The following SORCS1 variants were observed in gnomAD, a reference collection of about 807,000 sequenced individuals.
SORCS1 encodes the protein VPS10 domain-containing receptor SorCS1.
A neutral mutation model predicts 146.1 loss-of-function variants in SORCS1; 60 were observed. The observed-to-expected ratio is 0.41, with a 90% CI of 0.33 to 0.51. SORCS1 has a LOEUF of 0.51. Among genes scored for constraint, SORCS1 ranks in the 20% least tolerant of loss-of-function variants. The probability of loss-of-function intolerance (pLI) is 0.21; values close to 1 mark genes in which losing one functional copy is unlikely to be tolerated. For synonymous variants in SORCS1, 637 were observed against 584.0 expected (o/e 1.09, Z -1.31); for missense variants, 1,352 against 1,487.6 (o/e 0.91, Z 1.50).
chr10:107,088,145 C>CATGATCCG (rs1590107567), intron 1 of SORCS1, among the ~76,000 whole-genome samples: 1 of 151,948 alleles, frequency 6.6e-6, no homozygotes, highest in Non-Finnish European at 1.5e-5. Context: ...GTCTCGGCCT[C>CATGATCCG]CCAAAGTGCT....
intron 3 of SORCS1, among the ~76,000 whole-genome samples, chr10:106,809,794 C>G (rs1046126024): frequency 6.6e-6 from 1 of 152,162 alleles, no homozygotes; most frequent in Non-Finnish European, 1.5e-5. Context: ...AAACAATAGT[C>G]CTTTTCTTCC....
intron 5 of SORCS1, among the ~76,000 whole-genome samples, chr10:106,745,542 T>G (rs1047466198): frequency 6.6e-6 from 1 of 152,228 alleles, no homozygotes; most frequent in Non-Finnish European, 1.5e-5. Context: ...ATGAATACTA[T>G]AGTAGGCAAA....
chr10:106,725,566 A>ATAAATAAATAAAT (rs1856092204), intron 6 of SORCS1, among the ~76,000 whole-genome samples: 1 of 150,848 alleles, frequency 6.6e-6, no homozygotes, highest in Admixed American at 6.6e-5. Context: ...ACAAAAATAA[A>ATAAATAAATAAAT]TAAATAAATA....
At chr10:106,833,425 T>C (rs1418970064) in intron 2 of SORCS1, among the ~76,000 whole-genome samples, 1 of 152,228 alleles carries the variant, frequency 6.6e-6, no homozygotes, top group Non-Finnish European at 1.5e-5. Context: ...TTGACAAGTT[T>C]CATCGGTAGA....
At position 106,685,002 on chromosome 10, in the gene SORCS1, C is replaced by T. The variant is rs552896088; in HGVS notation, c.1560+3190G>A. 2.0e-5 allele frequency among the ~76,000 whole-genome samples: 3 copies of T among 152,300 alleles called. No individual in the cohort carries two copies. In the South Asian group the frequency reaches 6.2e-4, roughly 32 times the overall value. On this transcript the variant is annotated intron_variant, in intron 10 of 25. Transcript: ENST00000263054. ...AAGCTCAGGTTGAAACTACATTAAA[C>T]AACAGGGTTAACTAAGAAGGAAGGC...
At chr10:106,815,907 C>A (rs1347403782) in intron 3 of SORCS1, among the ~76,000 whole-genome samples, 1 of 152,220 alleles carries the variant, frequency 6.6e-6, no homozygotes, top group Non-Finnish European at 1.5e-5. Context: ...TTCTTTCTGT[C>A]AAGCTTTAAC....
chr10:107,063,556 G>T (rs1456397570), intron 1 of SORCS1, among the ~76,000 whole-genome samples: 1 of 152,148 alleles, frequency 6.6e-6, no homozygotes, highest in Non-Finnish European at 1.5e-5. Context: ...GATGTTTAAT[G>T]CAATTTAATA....
chr10:106,605,546 G>T (rs907303016), intron 23 of SORCS1, among the ~76,000 whole-genome samples: 4 of 152,176 alleles, frequency 2.6e-5, no homozygotes, highest in African/African-American at 4.8e-5. Flanking sequence ...CCTATCTAAA[G>T]GCTTTGGATA....
At chr10:106,607,839 C>A (rs1846713989) in intron 22 of SORCS1, among the ~76,000 whole-genome samples, 1 of 152,116 alleles carries the variant, frequency 6.6e-6, no homozygotes, top group Non-Finnish European at 1.5e-5. Flanking sequence ...TCCTAACCAC[C>A]TAACCTAAGA....
chr10:106,606,074 T>A (rs1324175932), intron 23 of SORCS1, among the ~76,000 whole-genome samples: 2 of 152,096 alleles, frequency 1.3e-5, no homozygotes, highest in Non-Finnish European at 2.9e-5. Flanking sequence ...AACTGATAAA[T>A]CAAAATCATT....
chr10:107,081,885 C>A (rs1342681986), intron 1 of SORCS1, among the ~76,000 whole-genome samples: 1 of 152,096 alleles, frequency 6.6e-6, no homozygotes, highest in Non-Finnish European at 1.5e-5. Flanking sequence ...CATGAACTAG[C>A]GGGAAAGTGC....
Position 106,656,482 on chromosome 10 carries a change from G to C in SORCS1, c.2304-3929C>G, listed in dbSNP as rs181892073. On this transcript the variant is annotated intron_variant, in intron 17 of 25. Coordinates refer to ENST00000263054, the MANE Select transcript of SORCS1 (RefSeq NM_052918.5). ...GAGGCAGGAGAATGGTGTGAACCTG[G>C]GAGGCGGAGCTTGCAGTGAGCTGAG... Among the ~76,000 whole-genome samples the C allele has an allele frequency of 2.9e-4, 44 of 152,264 alleles. 1 individual carries two copies. The highest frequency in any genetic ancestry group is 1.1e-3 in the African/African-American group (44 of 41,560).
intron 1 of SORCS1, among the ~76,000 whole-genome samples, chr10:106,974,583 G>T (rs1339625566): frequency 6.6e-6 from 1 of 152,298 alleles, no homozygotes; most frequent in East Asian, 1.9e-4. Context: ...TCTAGAGGCT[G>T]TGGCCCCTGG....
intron 6 of SORCS1, among the ~76,000 whole-genome samples, chr10:106,718,094 T>A (rs1855510969): frequency 6.6e-6 from 1 of 152,178 alleles, no homozygotes; most frequent in Non-Finnish European, 1.5e-5. Context: ...CTGCCTGGAA[T>A]GATGACAAGG....
At chr10:106,770,435 G>A (rs776177903) in intron 4 of SORCS1, among the ~76,000 whole-genome samples, 2 of 145,608 alleles carry the variant, frequency 1.4e-5, no homozygotes, top group Non-Finnish European at 3.0e-5. Context: ...ATTCTCCCTC[G>A]ACAAAACCGA....
intron 1 of SORCS1, among the ~76,000 whole-genome samples, chr10:106,989,670 GTTTTTTTTTGTTTTTT>G (rs1451066816): frequency 1.7e-5 from 2 of 116,450 alleles, no homozygotes; most frequent in Non-Finnish European, 3.3e-5. Flanking sequence ...TATTTTTTCT[GTTTTTTTTTGTTTTTT>G]TTTTTTTTTT....
intron 9 of SORCS1, among the ~76,000 whole-genome samples, chr10:106,698,084 C>T (rs753201525): frequency 6.6e-6 from 1 of 152,118 alleles, no homozygotes; most frequent in Non-Finnish European, 1.5e-5. Flanking sequence ...ATTACAAATA[C>T]CTGGGCTCTA....
At chr10:106,866,940 A>G (rs1950241297) in intron 2 of SORCS1, among the ~76,000 whole-genome samples, 1 of 152,196 alleles carries the variant, frequency 6.6e-6, no homozygotes, top group Non-Finnish European at 1.5e-5. Flanking sequence ...AAGTGGCCAG[A>G]GTGTCATATG....
intron 18 of SORCS1, among the ~76,000 whole-genome samples, chr10:106,640,685 C>T (rs566743993): frequency 6.6e-6 from 1 of 152,288 alleles, no homozygotes; most frequent in East Asian, 1.9e-4. Flanking sequence ...TTGGATTTCT[C>T]TGGGAAGCTG....
Sources: allele counts gnomAD v4.1 joint callset (sites outside exome capture counted in the v4.1 genomes callset), GRCh38; gene constraint gnomAD v4.1.1; transcripts MANE v1.5; gene names NCBI Gene and HGNC (gene_info 2026-07-23, HGNC 2026-07-21).